The following PARD3B variants were observed in gnomAD, a reference collection of about 807,000 sequenced individuals.
PARD3B encodes par-3 family cell polarity regulator beta, also known as partitioning defective 3 homolog B.
Under a neutral mutation model 130.2 loss-of-function variants are expected in PARD3B, and 103 were observed. The observed-to-expected ratio is 0.79, with a 90% CI of 0.67 to 0.93. The LOEUF is 0.93. PARD3B is among the 40% of genes least tolerant of loss of function. The pLI, the probability that PARD3B is intolerant of heterozygous loss-of-function variation, is 0.00. For synonymous variants in PARD3B, 583 were observed against 553.2 expected, an observed-to-expected ratio of 1.05 and a Z score of -0.76; for missense variants, 1,609 against 1,499.2, an observed-to-expected ratio of 1.07 and a Z score of -1.21.
At chr2:204,706,376 A>AAG in intron 2 of PARD3B, among the ~76,000 whole-genome samples, 1 of 148,356 alleles carries the variant, frequency 6.7e-6, no homozygotes, top group Non-Finnish European at 1.5e-5. Context: ...CAAAAAAAAA[A>AAG]AAAGAAAAAG....
At chr2:205,599,721 C>T (rs528321188) in intron 22 of PARD3B, among the ~76,000 whole-genome samples, 8 of 152,282 alleles carry the variant, frequency 5.3e-5, no homozygotes, top group African/African-American at 1.9e-4. Flanking sequence ...GAAAGAGTTT[C>T]TGCATTCAGG....
intron 2 of PARD3B, among the ~76,000 whole-genome samples, chr2:204,790,981 T>C (rs961095254): frequency 6.6e-6 from 1 of 152,064 alleles, no homozygotes; most frequent in African/African-American, 2.4e-5. Context: ...GGTGCATGCC[T>C]GTAATTCCAG....
At chr2:204,917,154 G>A (rs1301489763) in intron 2 of PARD3B, among the ~76,000 whole-genome samples, 1 of 152,182 alleles carries the variant, frequency 6.6e-6, no homozygotes, top group Non-Finnish European at 1.5e-5. Context: ...ATTCTAAGAA[G>A]ACCATAGTCA....
intron 21 of PARD3B, among the ~76,000 whole-genome samples, chr2:205,517,628 G>T (rs1170360257): frequency 6.6e-6 from 1 of 151,666 alleles, no homozygotes; most frequent in South Asian, 2.1e-4. Flanking sequence ...CTAGCTTTGG[G>T]GTTGATTCGT....
intron 20 of PARD3B, among the ~76,000 whole-genome samples, chr2:205,476,696 G>A (rs2049034999): frequency 6.6e-6 from 1 of 152,084 alleles, no homozygotes; most frequent in Non-Finnish European, 1.5e-5. Flanking sequence ...GTTACAGTGT[G>A]CAAAATACTT....
intron 1 of PARD3B, among the ~76,000 whole-genome samples, chr2:204,676,221 CT>C (rs554847645): frequency 9.2e-5 from 14 of 151,460 alleles, no homozygotes; most frequent in South Asian, 2.1e-4. Context: ...AATTCTCAGG[CT>C]TTTTTTTCCC....
chr2:204,816,645 CT>C (rs1300924772), intron 2 of PARD3B, among the ~76,000 whole-genome samples: 1 of 151,854 alleles, frequency 6.6e-6, no homozygotes, highest in East Asian at 1.9e-4. Context: ...AAAAAAATGT[CT>C]GTTTTTCCTG....
At chr2:204,961,574 A>T (rs146733818) in intron 2 of PARD3B, among the ~76,000 whole-genome samples, 1 of 152,276 alleles carries the variant, frequency 6.6e-6, no homozygotes, top group Non-Finnish European at 1.5e-5. Context: ...TTTTGAATTT[A>T]TCAGCCGATA....
At position 205,146,574 on chromosome 2, in the gene PARD3B, C is replaced by G. The variant is rs984033515; in HGVS notation, c.1435-12148C>G. ...GCTGAGGCAGGAGAATGGCGTGAAC[C>G]CGGGAGGCGGAGCTTGCAGTGAGCC... On this transcript the variant is annotated intron_variant, in intron 10 of 22. Transcript: ENST00000406610. The surrounding 1 kb of genome is among the most constrained non-coding windows in gnomAD (Gnocchi z 4.3). Among the ~76,000 whole-genome samples, 1 of 151,766 alleles carries G rather than the reference C, an allele frequency of 6.6e-6. No individual in the cohort carries two copies. Among genetic ancestry groups the G allele is most frequent in the African/African-American group, 2.4e-5 (1 of 41,364 alleles).
chr2:205,213,879 A>AT (rs2125854889), intron 15 of PARD3B, among the ~76,000 whole-genome samples: 1 of 152,270 alleles, frequency 6.6e-6, no homozygotes, highest in African/African-American at 2.4e-5. Flanking sequence ...CTTGAAGAAA[A>AT]GGGCTGTGTG....
rs948200450 is a variant in PARD3B, at chr2:204,675,504, T to C, written c.121-10677T>C. ...GGAAAATGAAATTTCTATATTCTTATAAAGTCAGTGTCTTGAGATGATGTA... is the reference window on the plus strand; with the variant it reads ...GGAAAATGAAATTTCTATATTCTTACAAAGTCAGTGTCTTGAGATGATGTA... On this transcript the variant is annotated intron_variant, in intron 1 of 22. Transcript: ENST00000406610. This position sits in a 1 kb window ranked among gnomAD's most constrained non-coding sequence, Gnocchi z 4.4. 1.3e-5 allele frequency among the ~76,000 whole-genome samples: 2 copies of C among 152,098 alleles called. No homozygotes were observed. Among genetic ancestry groups the C allele is most frequent in the African/African-American group, 4.8e-5 (2 of 41,440 alleles).
intron 15 of PARD3B, among the ~76,000 whole-genome samples, chr2:205,210,740 G>T (rs2037584439): frequency 6.6e-6 from 1 of 151,868 alleles, no homozygotes; most frequent in African/African-American, 2.4e-5. Flanking sequence ...ATTTTTGCCA[G>T]TGTTATAGGC....
chr2:205,357,879 C>A lies in PARD3B; in HGVS notation c.2631-43134C>A, dbSNP rs1490559483. ...TAAGAAGGCATAGATACAGTGATGTCATTGAAAAAGCACACAGTCATTGAA... is the reference window on the plus strand; with the variant it reads ...TAAGAAGGCATAGATACAGTGATGTAATTGAAAAAGCACACAGTCATTGAA... On this transcript the variant is annotated intron_variant, in intron 18 of 22. Coordinates refer to ENST00000406610, the MANE Select transcript of PARD3B (RefSeq NM_001302769.2). Among the ~76,000 whole-genome samples, 8 of 152,176 alleles carry A rather than the reference C, an allele frequency of 5.3e-5. No homozygotes were observed. The East Asian group carries it at 1.5e-3, about 29-fold the overall frequency.
At chr2:205,208,463 G>C (rs2037441739) in intron 15 of PARD3B, among the ~76,000 whole-genome samples, 1 of 145,286 alleles carries the variant, frequency 6.9e-6, no homozygotes, top group Non-Finnish European at 1.5e-5. Context: ...CGTATATCTA[G>C]AAAACCCCAT....
chr2:204,885,099 C>A (rs1375360522), intron 2 of PARD3B, among the ~76,000 whole-genome samples: 1 of 152,152 alleles, frequency 6.6e-6, no homozygotes, highest in South Asian at 2.1e-4. Context: ...CCATCAATGG[C>A]GTAAAAACAT....
At chr2:205,508,127 G>A (rs1231227169) in intron 21 of PARD3B, among the ~76,000 whole-genome samples, 1 of 152,224 alleles carries the variant, frequency 6.6e-6, no homozygotes, top group African/African-American at 2.4e-5. Context: ...AGGAGAAGCA[G>A]TAGAATTATT....
chr2:205,310,758 C>T lies in PARD3B; in HGVS notation c.2630+9057C>T, dbSNP rs1574664350. On this transcript the variant is annotated intron_variant, in intron 18 of 22. Coordinates refer to ENST00000406610, the MANE Select transcript of PARD3B (RefSeq NM_001302769.2). ...TTTTTTTTTGAGACAGAGTCTCACT[C>T]TGTCATCCAGGCTGGAGTGCAGTGG... Among the ~76,000 whole-genome samples, 4 of 109,426 alleles carry T rather than the reference C, an allele frequency of 3.7e-5. No individual in the cohort carries two copies. In the South Asian group the frequency reaches 1.3e-3, roughly 35 times the overall value. The allele number at this position is 109,426 out of a possible 152,430, so 71.8% of individuals were successfully genotyped here.
At chr2:204,671,945 C>T (rs2036323118) in intron 1 of PARD3B, among the ~76,000 whole-genome samples, 1 of 152,094 alleles carries the variant, frequency 6.6e-6, no homozygotes, top group African/African-American at 2.4e-5. Context: ...TTTTCCTCAA[C>T]ATTTTGATTA....
At chr2:205,284,804 A>C (rs1206607248) in intron 16 of PARD3B, among the ~76,000 whole-genome samples, 1 of 152,152 alleles carries the variant, frequency 6.6e-6, no homozygotes, top group Non-Finnish European at 1.5e-5. Flanking sequence ...TGGTCTTTTA[A>C]ATCATCATAA....
Sources: allele counts gnomAD v4.1 joint callset (sites outside exome capture counted in the v4.1 genomes callset), GRCh38; gene constraint gnomAD v4.1.1; non-coding constraint Gnocchi (gnomAD v3.1); transcripts MANE v1.5; gene names NCBI Gene and HGNC (gene_info 2026-07-23, HGNC 2026-07-21).